The following DLEU7 variants were observed in gnomAD, a reference collection of about 807,000 sequenced individuals.
DLEU7 encodes the protein leukemia-associated protein 7.
A neutral mutation model predicts 16.0 loss-of-function variants in DLEU7; 17 were observed. The ratio of observed to expected loss-of-function variants is 1.06; its 90% confidence interval spans 0.73 to 1.59. The LOEUF (loss-of-function observed/expected upper bound fraction) is 1.59, where lower values mean the gene tolerates loss of function less well. Ranked by LOEUF, DLEU7 falls within the 40% of genes most tolerant of loss-of-function variation. The pLI, the probability that DLEU7 is intolerant of heterozygous loss-of-function variation, is 0.00. For missense variants in DLEU7, 308 were observed against 314.9 expected (o/e 0.98, Z 0.17); for synonymous variants, 113 against 139.8 (o/e 0.81, Z 1.35).
rs947481065 is a variant in DLEU7, at chr13:50,807,704, G to A, written c.459+35484C>T. Reference sequence around the variant, plus strand: ...CACCTCTTTACTCATAAGCCAGCCCGGGCATCATATGACTTCATCAGACTG... The same window carrying A: ...CACCTCTTTACTCATAAGCCAGCCCAGGCATCATATGACTTCATCAGACTG... On this transcript the variant is annotated intron_variant, in intron 1 of 1. Coordinates refer to the DLEU7 transcript ENST00000400393. Among the ~76,000 whole-genome samples, 8 of 152,162 alleles carry A rather than the reference G, an allele frequency of 5.3e-5. 1 individual carries two copies. The South Asian group carries it at 1.0e-3, about 20-fold the overall frequency.
At chr13:50,739,375 T>C (rs1048059070) in intron 1 of DLEU7, among the ~76,000 whole-genome samples, 2 of 152,148 alleles carry the variant, frequency 1.3e-5, no homozygotes, top group East Asian at 3.8e-4. Flanking sequence ...TCAATAAATG[T>C]TTGTTGACTG....
chr13:50,793,766 CTTAG>C (rs1314680309), intron 1 of DLEU7, among the ~76,000 whole-genome samples: 1 of 152,084 alleles, frequency 6.6e-6, no homozygotes. Flanking sequence ...TTGCCAGATG[CTTAG>C]TTAGTGAGTA....
intron 1 of DLEU7, among the ~76,000 whole-genome samples, chr13:50,837,726 G>T (rs924761236): frequency 1.3e-5 from 2 of 152,184 alleles, no homozygotes; most frequent in African/African-American, 4.8e-5. Flanking sequence ...TTGATGATGA[G>T]TGCTTTTTTC....
intron 1 of DLEU7, among the ~76,000 whole-genome samples, chr13:50,737,867 G>A (rs562161690): frequency 6.6e-6 from 1 of 152,144 alleles, no homozygotes; most frequent in Admixed American, 6.5e-5. Context: ...ATTAAACTTA[G>A]TGAGCAAGGC....
intron 1 of DLEU7, among the ~76,000 whole-genome samples, chr13:50,713,817 C>T (rs1873362034): frequency 6.6e-6 from 1 of 152,210 alleles, no homozygotes; most frequent in African/African-American, 2.4e-5. Flanking sequence ...TCATTAAAGG[C>T]AGCAACACGG....
rs1387035815 is a variant in DLEU7 at position 50,811,059 on chromosome 13, C to T, written c.459+32129G>A. ...GCTTGTATGGGTATGCATGTGTGTG[C>T]CTGCATCTGTTTGCATGTGTGTGCA... On this transcript the variant is annotated intron_variant, in intron 1 of 1. Coordinates refer to the DLEU7 transcript ENST00000400393. 2.6e-5 allele frequency among the ~76,000 whole-genome samples: 4 copies of T among 152,222 alleles called. 1 individual carries two copies. Among genetic ancestry groups the T allele is most frequent in the African/African-American group, 9.6e-5 (4 of 41,542 alleles).
At chr13:50,813,106 CTA>C (rs1876618040) in intron 1 of DLEU7, 1 of 152,098 alleles carries the variant, frequency 6.6e-6, no homozygotes, top group African/African-American at 2.4e-5. Flanking sequence ...TGGCGGTAGA[CTA>C]AGATTTTTCT....
rs147769646 is a variant in DLEU7 at position 50,716,670 on chromosome 13, A to C, written c.460-3430T>G. 3.1e-3 allele frequency among the ~76,000 whole-genome samples: 465 copies of C among 152,358 alleles called. 1 individual carries two copies. Among genetic ancestry groups the C allele is most frequent in the Non-Finnish European group, 4.5e-3 (303 of 68,036 alleles). On this transcript the variant is annotated intron_variant, in intron 1 of 1. Transcript: ENST00000400393. The stretch of plus-strand genomic sequence containing the variant: ...CAACAATGTCTCCCCTGCCTTGTTC[A>C]TAGGATTGTAGGGAGAATCAAATGA...
intron 1 of DLEU7, among the ~76,000 whole-genome samples, chr13:50,841,638 G>A (rs1346396096): frequency 6.6e-6 from 1 of 151,746 alleles, no homozygotes; most frequent in Non-Finnish European, 1.5e-5. Flanking sequence ...GCTGAGGCAG[G>A]AGGATCACTT....
At chr13:50,840,548 C>A (rs1357760164) in intron 1 of DLEU7, among the ~76,000 whole-genome samples, 2 of 152,152 alleles carry the variant, frequency 1.3e-5, no homozygotes, top group African/African-American at 4.8e-5. Flanking sequence ...CAGCAGACTC[C>A]AGTAGTTGTA....
At chr13:50,780,871 C>T (rs959450640) in intron 1 of DLEU7, among the ~76,000 whole-genome samples, 6 of 152,106 alleles carry the variant, frequency 3.9e-5, no homozygotes, top group Non-Finnish European at 8.8e-5. Flanking sequence ...TGTGATATCT[C>T]GCCTTCCTGT....
chr13:50,820,579 T>C (rs76782136), downstream of DLEU7, among the ~76,000 whole-genome samples: 2,361 of 152,204 alleles, frequency 0.016, 61 homozygotes, highest in African/African-American at 0.052. Flanking sequence ...GCTCTTCTGA[T>C]GGCTTCCATT....
chr13:50,816,730 A>G (rs116328189), intron 1 of DLEU7, among the ~76,000 whole-genome samples: 2,351 of 152,250 alleles, frequency 0.015, 60 homozygotes, highest in African/African-American at 0.054. Flanking sequence ...ATATGGGCAA[A>G]TCAACAAACC....
chr13:50,773,772 A>C (rs1030456223), intron 1 of DLEU7, among the ~76,000 whole-genome samples: 2 of 152,204 alleles, frequency 1.3e-5, no homozygotes, highest in East Asian at 3.8e-4. Flanking sequence ...CTCAGAGCTC[A>C]AACTCCGTGC....
intron 1 of DLEU7, among the ~76,000 whole-genome samples, chr13:50,774,866 G>A (rs1875447415): frequency 6.6e-6 from 1 of 151,932 alleles, no homozygotes. Flanking sequence ...TGTGTTAAAT[G>A]TCCTGTTAAT....
At chr13:50,739,922 T>C (rs950702650) in intron 1 of DLEU7, among the ~76,000 whole-genome samples, 1 of 150,186 alleles carries the variant, frequency 6.7e-6, no homozygotes, top group African/African-American at 2.4e-5. Flanking sequence ...GATGCCTAGA[T>C]TTTTTTTTTA....
chr13:50,748,596 G>A lies in DLEU7; in HGVS notation c.460-35356C>T, dbSNP rs558981877. 1.1e-4 allele frequency among the ~76,000 whole-genome samples: 16 copies of A among 152,086 alleles called. No individual in the cohort carries two copies. In the South Asian group the frequency reaches 2.9e-3, roughly 28 times the overall value. On this transcript the variant is annotated intron_variant, in intron 1 of 1. Transcript: ENST00000400393. ...TGTCCTCAGGTGACGGTCCTACCTC[G>A]GGTCCCTAGTCCCACCTTTTTTAAA...
At chr13:50,805,545 A>AT (rs1282989997) in intron 1 of DLEU7, among the ~76,000 whole-genome samples, 5 of 151,648 alleles carry the variant, frequency 3.3e-5, no homozygotes, top group Admixed American at 1.3e-4. Context: ...CATATGTTTG[A>AT]TTTTTTTATA....
At chr13:50,734,770 A>G (rs773990325) in intron 1 of DLEU7, among the ~76,000 whole-genome samples, 3 of 152,194 alleles carry the variant, frequency 2.0e-5, no homozygotes, top group Non-Finnish European at 4.4e-5. Context: ...CTAGAAGAAA[A>G]TAATAGGGTA....
Sources: allele counts gnomAD v4.1 joint callset (sites outside exome capture counted in the v4.1 genomes callset), GRCh38; gene constraint gnomAD v4.1.1; transcripts MANE v1.5; gene names NCBI Gene and HGNC (gene_info 2026-07-23, HGNC 2026-07-21).